The following MED21 variants were observed in gnomAD, a reference collection of about 807,000 sequenced individuals.
The protein encoded by MED21 is mediator of RNA polymerase II transcription subunit 21.
Under a neutral mutation model 18.2 loss-of-function variants are expected in MED21, and 9 were observed. The observed-to-expected ratio is 0.49, with a 90% CI of 0.30 to 0.86. The LOEUF (loss-of-function observed/expected upper bound fraction) is 0.86. Among genes scored for constraint, MED21 ranks in the 40% least tolerant of loss-of-function variants. The probability of loss-of-function intolerance (pLI) is 0.07; values close to 1 mark genes in which losing one functional copy is unlikely to be tolerated. For synonymous variants in MED21, 73 were observed against 60.5 expected, an observed-to-expected ratio of 1.21 and a Z score of -0.96; for missense variants, 150 against 170.9, an observed-to-expected ratio of 0.88 and a Z score of 0.68.
intron 1 of MED21, among the ~76,000 whole-genome samples, chr12:27,023,300 C>CTTTTTTTTTTTTTTTTTTTTT (rs71437317): frequency 8.1e-5 from 9 of 110,436 alleles, no homozygotes; most frequent in Non-Finnish European, 1.4e-4. Flanking sequence ...TTTTTCTTTT[C>CTTTTTTTTTTTTTTTTTTTTT]TTTTTTTTTT....
chr12:27,026,796 A>C (rs894498498), intron 2 of MED21, among the ~76,000 whole-genome samples: 2 of 152,388 alleles, frequency 1.3e-5, no homozygotes, highest in Non-Finnish European at 2.9e-5. Flanking sequence ...TTAACAAGGA[A>C]GGCATCCCAT....
downstream of MED21, among the ~76,000 whole-genome samples, chr12:27,032,447 A>C (rs1053597107): frequency 1.3e-5 from 2 of 152,192 alleles, no homozygotes; most frequent in African/African-American, 4.8e-5. Context: ...CCTATACACA[A>C]ATGCCAGCAA....
At position 27,028,805 on chromosome 12, in the gene MED21, A is replaced by T; in HGVS notation, c.*344A>T. On this transcript the variant is annotated 3_prime_UTR_variant, in exon 4 of 4. Coordinates refer to ENST00000282892, the MANE Select transcript of MED21 (RefSeq NM_004264.5). ...GTATTGGCCAGTACTTTTACAAATC[A>T]AAACATCTCTCAAGCCAAAGGAGAA... 1.0e-6 allele frequency: 1 copy of T among 999,990 alleles called. No individual in the cohort carries two copies. The highest frequency in any genetic ancestry group is 4.5e-5 in the South Asian group (1 of 22,160). 61.9% of individuals were successfully genotyped at this position (999,990 alleles called of 1,614,324 possible). A position where few individuals can be genotyped will look rare whatever the true frequency, so the allele number is the denominator to read the frequency against.
At chr12:27,022,978 G>A in intron 1 of MED21, 1 of 1,036,934 alleles carries the variant, frequency 9.6e-7, no homozygotes, top group Non-Finnish European at 1.2e-6. Context: ...TTGGGGGTTG[G>A]GAGGAGAAGC....
At chr12:27,031,034 A>C (rs1845207848), downstream of MED21, among the ~76,000 whole-genome samples, 1 of 152,172 alleles carries the variant, frequency 6.6e-6, no homozygotes, top group African/African-American at 2.4e-5. Flanking sequence ...CAGCCTCCCG[A>C]ATAGCTGGGA....
downstream of MED21, among the ~76,000 whole-genome samples, chr12:27,034,941 G>T (rs190134879): frequency 1.3e-5 from 2 of 152,260 alleles, no homozygotes; most frequent in Non-Finnish European, 2.9e-5. Context: ...CGTAGAGACA[G>T]GGTTTTACCA....
chr12:27,022,949 C>A, intron 1 of MED21: 3 of 1,156,128 alleles, frequency 2.6e-6, no homozygotes, highest in South Asian at 3.9e-5. Flanking sequence ...GTCAGTGGTG[C>A]TTACGGGTTC....
intron 2 of MED21, chr12:27,037,231 GCTCT>G (rs920018036): frequency 2.0e-5 from 3 of 151,112 alleles, no homozygotes; most frequent in Admixed American, 1.3e-4. Flanking sequence ...TCATGATTTG[GCTCT>G]CTGTTTGTCT....
At chr12:27,033,102 A>G (rs549421175), downstream of MED21, among the ~76,000 whole-genome samples, 1 of 152,244 alleles carries the variant, frequency 6.6e-6, no homozygotes, top group African/African-American at 2.4e-5. Flanking sequence ...CATTCTCCTT[A>G]TTGCAATAGT....
downstream of MED21, among the ~76,000 whole-genome samples, chr12:27,034,290 G>A (rs1006052401): frequency 3.3e-5 from 5 of 151,900 alleles, no homozygotes; most frequent in Admixed American, 6.6e-5. Flanking sequence ...GGTGGTGGGC[G>A]CCTGTAATCC....
rs781105736 is a variant in MED21, at chr12:27,022,850, C to T, written c.42+229C>T. The stretch of plus-strand genomic sequence containing the variant: ...AGCAGACTCTTTCGCTTGAGGAGAC[C>T]GGGAAGATCGTTCTTGTCCGGGTGA... On this transcript the variant is annotated intron_variant, in intron 1 of 3. Transcript: ENST00000282892. 3.5e-5 allele frequency: 51 copies of T among 1,450,512 alleles called. No individual in the cohort carries two copies. The South Asian group carries it at 6.1e-4, about 17-fold the overall frequency. 89.9% of individuals were successfully genotyped at this position (1,450,512 alleles called of 1,614,324 possible).
intron 1 of MED21, 131 bp downstream of exon 1, chr12:27,022,752 C>G: frequency 6.4e-7 from 1 of 1,558,778 alleles, no homozygotes; most frequent in Non-Finnish European, 8.7e-7. Context: ...ATAAAGCGCT[C>G]TCTCGGGAGG....
chr12:27,031,670 T>C (rs983347626), downstream of MED21, among the ~76,000 whole-genome samples: 1 of 151,610 alleles, frequency 6.6e-6, no homozygotes, highest in East Asian at 1.9e-4. Flanking sequence ...AACATGTCAG[T>C]GTGAGGTAGA....
At position 27,022,828 on chromosome 12, in the gene MED21, A is replaced by C. The variant is rs531020463; in HGVS notation, c.42+207A>C. The C allele has an allele frequency of 1.5e-4, 222 of 1,490,086 alleles. 2 individuals carry two copies. The highest frequency in any genetic ancestry group is 6.4e-5 in the Admixed American group (3 of 46,720). The allele number at this position is 1,490,086 out of a possible 1,614,324, so 92.3% of individuals were successfully genotyped here. ...GGTGCTTGAAGGTGCGGGAGGGAGC[A>C]GACTCTTTCGCTTGAGGAGACCGGG... On this transcript the variant is annotated intron_variant, in intron 1 of 3. Coordinates refer to ENST00000282892, the MANE Select transcript of MED21 (RefSeq NM_004264.5).
chr12:27,037,354 G>T (rs994158735), intron 2 of MED21: 1 of 151,906 alleles, frequency 6.6e-6, no homozygotes, highest in East Asian at 1.9e-4. Context: ...AGACAATGGG[G>T]TTTTCTATAC....
In MED21 at chr12:27,029,522, C is replaced by G. The variant is rs967011520; in HGVS notation, c.*1061C>G. On this transcript the variant is annotated 3_prime_UTR_variant, in exon 4 of 4. Transcript: ENST00000282892. ...GAGCTACATTTGCTGCAATCTGTTG[C>G]TATTCAGAGTTTAAGTTTCAGGAGA... is the stretch of plus-strand genomic sequence containing the variant. The G allele has an allele frequency of 2.0e-6, 2 of 985,356 alleles. No homozygotes were observed. Among genetic ancestry groups the G allele is most frequent in the African/African-American group, 1.7e-5 (1 of 57,348 alleles). 61.0% of individuals were successfully genotyped at this position (985,356 alleles called of 1,614,324 possible). A position where few individuals can be genotyped will look rare whatever the true frequency, so the allele number is the denominator to read the frequency against.
At chr12:27,023,485 C>T (rs1379813228) in intron 1 of MED21, among the ~76,000 whole-genome samples, 1 of 151,696 alleles carries the variant, frequency 6.6e-6, no homozygotes. Context: ...TTAGTAGAGA[C>T]GGGGTTTCAC....
rs1366528893 is a variant in MED21 at position 27,027,341 on chromosome 12, CT to C, written c.158-5del. On this transcript the variant is annotated splice_region_variant and splice_polypyrimidine_tract_variant and intron_variant, in intron 2 of 3. Coordinates refer to ENST00000282892, the MANE Select transcript of MED21 (RefSeq NM_004264.5). ...AATATCCTAATCTAGCAGTATCTTTCTCTAGAGTATGCCCAGCTTTTTGCAG... is the reference window on the plus strand; with the variant it reads ...AATATCCTAATCTAGCAGTATCTTTCCTAGAGTATGCCCAGCTTTTTGCAG... 6 of 1,603,134 alleles carry C rather than the reference CT, an allele frequency of 3.7e-6. No homozygotes were observed. The East Asian group carries it at 1.3e-4, about 36-fold the overall frequency.
Position 27,022,608 on chromosome 12 carries a change from A to G in MED21, c.29A>G (p.Asp10Gly). Reference sequence around the variant, plus strand: ...GCGGATCGGCTCACGCAGCTTCAGGACGCTGTGAATTCGGTGAGGAATTTC... The same window carrying G: ...GCGGATCGGCTCACGCAGCTTCAGGGCGCTGTGAATTCGGTGAGGAATTTC... Reference protein sequence around the residue: MADRLTQLQDAVNSLADQFC... With the variant: MADRLTQLQGAVNSLADQFC... The change falls in exon 1 of 4, where the codon GAC becomes GGC. Residue 10 changes from aspartate to glycine, a missense_variant. Physicochemically the swap from Asp to Gly is moderately conservative, Grantham distance 94. Transcript: ENST00000282892. 6.3e-7 allele frequency: 1 copy of G among 1,589,794 alleles called. No homozygotes were observed. The highest frequency in any genetic ancestry group is 8.6e-7 in the Non-Finnish European group (1 of 1,163,508).
Sources: allele counts gnomAD v4.1 joint callset (sites outside exome capture counted in the v4.1 genomes callset), GRCh38; gene constraint gnomAD v4.1.1; transcripts MANE v1.5; gene names NCBI Gene and HGNC (gene_info 2026-07-23, HGNC 2026-07-21).